The following CDK14 variants were observed in gnomAD, a reference collection of about 807,000 sequenced individuals.
The protein encoded by CDK14 is cyclin dependent kinase 14, also known as cyclin-dependent kinase 14.
CDK14 carries 34 observed loss-of-function variants against 60.7 expected under a neutral mutation model. That is an observed-to-expected ratio of 0.56 (90% confidence interval 0.43 to 0.75). The LOEUF is 0.75. Ranked by LOEUF, CDK14 falls within the 30% of genes least tolerant of loss-of-function variation. The pLI, the probability that CDK14 is intolerant of heterozygous loss-of-function variation, is 0.00. For missense variants in CDK14, 482 were observed against 564.1 expected (o/e 0.85, Z 1.47); for synonymous variants, 197 against 203.7 (o/e 0.97, Z 0.28).
intron 1 of CDK14, among the ~76,000 whole-genome samples, chr7:90,599,823 T>C (rs1355402960): frequency 1.3e-5 from 2 of 152,250 alleles, no homozygotes; most frequent in East Asian, 3.8e-4. Flanking sequence ...AATACTATTA[T>C]TTAGCTGTAA....
chr7:90,623,028 T>C (rs1020988919), intron 2 of CDK14, among the ~76,000 whole-genome samples: 1 of 150,988 alleles, frequency 6.6e-6, no homozygotes, highest in Non-Finnish European at 1.5e-5. Context: ...TAGTTTCCAT[T>C]ATTAATGTAA....
chr7:90,742,250 T>A (rs1780010926), intron 3 of CDK14, among the ~76,000 whole-genome samples: 2 of 152,060 alleles, frequency 1.3e-5, no homozygotes, highest in Non-Finnish European at 2.9e-5. Context: ...AGATTAATTC[T>A]TTAAATTTAT....
At chr7:90,940,807 A>G (rs952581030) in intron 8 of CDK14, among the ~76,000 whole-genome samples, 2 of 152,072 alleles carry the variant, frequency 1.3e-5, no homozygotes, top group African/African-American at 2.4e-5. Context: ...GTGTATATCT[A>G]TCTATATCTG....
chr7:91,135,872 C>T (rs1800265263), intron 14 of CDK14, among the ~76,000 whole-genome samples: 1 of 151,998 alleles, frequency 6.6e-6, no homozygotes, highest in Admixed American at 6.6e-5. Flanking sequence ...TCTGAAGTTC[C>T]AAGGATGTCT....
At chr7:91,150,377 A>G (rs1028030123) in intron 14 of CDK14, among the ~76,000 whole-genome samples, 20 of 152,184 alleles carry the variant, frequency 1.3e-4, no homozygotes, top group Middle Eastern at 3.2e-3. Context: ...TAGTTAGTCA[A>G]TCCATTTACA....
intron 2 of CDK14, among the ~76,000 whole-genome samples, chr7:90,655,578 C>T (rs1370846796): frequency 2.0e-5 from 3 of 152,142 alleles, no homozygotes; most frequent in African/African-American, 7.2e-5. Context: ...AACTGAATAT[C>T]TGACATAAAT....
chr7:91,175,364 G>T, intron 14 of CDK14, among the ~76,000 whole-genome samples: 1 of 152,014 alleles, frequency 6.6e-6, no homozygotes, highest in Non-Finnish European at 1.5e-5. Flanking sequence ...ATGCCAAAAT[G>T]TAAAGACCAT....
chr7:90,627,085 G>A (rs1799891496), intron 2 of CDK14, among the ~76,000 whole-genome samples: 1 of 152,042 alleles, frequency 6.6e-6, no homozygotes, highest in African/African-American at 2.4e-5. Flanking sequence ...AGTTATTATT[G>A]AGATTTTTAC....
chr7:90,707,398 G>A (rs1457243745), intron 2 of CDK14, among the ~76,000 whole-genome samples: 7 of 152,112 alleles, frequency 4.6e-5, no homozygotes, highest in Admixed American at 4.6e-4. Context: ...CTTTAGTTCA[G>A]GGCCTTGTCT....
At chr7:90,597,938 A>G (rs1799230136) in intron 1 of CDK14, among the ~76,000 whole-genome samples, 1 of 145,164 alleles carries the variant, frequency 6.9e-6, no homozygotes, top group Non-Finnish European at 1.5e-5. Context: ...CTTTAGTTTT[A>G]TTTATTGCAT....
chr7:90,678,644 AT>A (rs138375889), intron 2 of CDK14, among the ~76,000 whole-genome samples: 3 of 150,112 alleles, frequency 2.0e-5, no homozygotes, highest in Admixed American at 6.6e-5. Context: ...TAACCTTTTC[AT>A]TTTTTTTTTA....
chr7:90,621,712 AC>A (rs1230706911), intron 2 of CDK14, among the ~76,000 whole-genome samples: 6 of 115,616 alleles, frequency 5.2e-5, no homozygotes, highest in Non-Finnish European at 8.8e-5. Flanking sequence ...TTCCTTTGCC[AC>A]AGGAATTCAC....
intron 4 of CDK14, among the ~76,000 whole-genome samples, chr7:90,756,323 A>G (rs1225209542): frequency 6.6e-6 from 1 of 152,206 alleles, no homozygotes; most frequent in Non-Finnish European, 1.5e-5. Flanking sequence ...TAACTCTATT[A>G]AATTTTTATC....
intron 5 of CDK14, among the ~76,000 whole-genome samples, chr7:90,855,775 TG>T (rs1790799925): frequency 6.6e-6 from 1 of 152,128 alleles, no homozygotes; most frequent in Non-Finnish European, 1.5e-5. Context: ...GTGGTCAAGC[TG>T]TAGTATTAGA....
chr7:90,772,687 C>T (rs1005995439), intron 4 of CDK14, among the ~76,000 whole-genome samples: 3 of 152,156 alleles, frequency 2.0e-5, no homozygotes, highest in African/African-American at 7.2e-5. Flanking sequence ...AACCGTGTTT[C>T]CTGAACAGCC....
chr7:91,130,198 A>G (rs963622004), intron 14 of CDK14, among the ~76,000 whole-genome samples: 1 of 152,168 alleles, frequency 6.6e-6, no homozygotes, highest in African/African-American at 2.4e-5. Context: ...ATGTAGAAAC[A>G]TATTTGTGAA....
chr7:90,668,875 T>C (rs936407695), intron 2 of CDK14, among the ~76,000 whole-genome samples: 3 of 132,808 alleles, frequency 2.3e-5, no homozygotes, highest in African/African-American at 8.2e-5. Context: ...TGCCTGGCTA[T>C]TTTTTTTTTG....
intron 10 of CDK14, among the ~76,000 whole-genome samples, chr7:91,038,696 A>G (rs1796999928): frequency 6.6e-6 from 1 of 152,244 alleles, no homozygotes; most frequent in African/African-American, 2.4e-5. Flanking sequence ...TGTAACTCCC[A>G]CAATTCCCAC....
intron 3 of CDK14, among the ~76,000 whole-genome samples, chr7:90,745,004 AT>A: frequency 6.6e-6 from 1 of 151,590 alleles, no homozygotes; most frequent in Non-Finnish European, 1.5e-5. Flanking sequence ...CTTTCATTGC[AT>A]TTTTTTTCCA....
Sources: allele counts gnomAD v4.1 joint callset (sites outside exome capture counted in the v4.1 genomes callset), GRCh38; gene constraint gnomAD v4.1.1; transcripts MANE v1.5; gene names NCBI Gene and HGNC (gene_info 2026-07-23, HGNC 2026-07-21).